The following IMMP2L variants were observed in gnomAD, a reference collection of about 807,000 sequenced individuals.
The protein encoded by IMMP2L is inner mitochondrial membrane peptidase subunit 2.
In IMMP2L, 18 loss-of-function variants were observed where a neutral mutation model predicts 19.3. The observed-to-expected ratio is 0.93, with a 90% confidence interval of 0.64 to 1.38. The LOEUF is 1.38. Among genes scored for constraint, IMMP2L ranks in the 40% most tolerant of loss-of-function variants. The pLI, the probability that IMMP2L is intolerant of heterozygous loss-of-function variation, is 0.00. For synonymous variants in IMMP2L, 76 were observed against 73.0 expected (o/e 1.04, Z -0.21); for missense variants, 233 against 218.2 (o/e 1.07, Z -0.43).
chr7:111,312,813 G>T (rs1325537147), intron 3 of IMMP2L, among the ~76,000 whole-genome samples: 1 of 152,028 alleles, frequency 6.6e-6, no homozygotes. Context: ...TCTCATCTTT[G>T]AAATTCTGTC....
At chr7:110,724,088 A>G (rs1795742605) in intron 5 of IMMP2L, 1 of 152,106 alleles carries the variant, frequency 6.6e-6, no homozygotes, top group Admixed American at 6.6e-5. Flanking sequence ...CTTACCAACA[A>G]CCTCTCAAAA....
chr7:111,146,756 C>T (rs528220511), intron 3 of IMMP2L, among the ~76,000 whole-genome samples: 1 of 152,064 alleles, frequency 6.6e-6, no homozygotes, highest in Non-Finnish European at 1.5e-5. Flanking sequence ...AAGAAAGAAA[C>T]GTTTTGAAAA....
intron 3 of IMMP2L, among the ~76,000 whole-genome samples, chr7:111,166,967 T>C (rs1174624500): frequency 1.3e-5 from 2 of 151,948 alleles, no homozygotes; most frequent in Non-Finnish European, 2.9e-5. Context: ...CTTTTCCAAG[T>C]AGGATGAAAT....
At chr7:111,415,085 A>C (rs557724578) in intron 3 of IMMP2L, among the ~76,000 whole-genome samples, 1 of 152,008 alleles carries the variant, frequency 6.6e-6, no homozygotes, top group East Asian at 1.9e-4. Context: ...TGATTCTGGG[A>C]GTCCTTAAAA....
chr7:111,423,068 C>A (rs1835736384), intron 3 of IMMP2L, among the ~76,000 whole-genome samples: 1 of 151,724 alleles, frequency 6.6e-6, no homozygotes, highest in East Asian at 1.9e-4. Context: ...GGGATGAAGC[C>A]CACTTGATCA....
chr7:111,379,069 T>C (rs988026146), intron 3 of IMMP2L, among the ~76,000 whole-genome samples: 1 of 151,702 alleles, frequency 6.6e-6, no homozygotes, highest in East Asian at 1.9e-4. Context: ...TGAAACACAT[T>C]TACTGAAAGG....
At chr7:110,931,670 C>T (rs1815501864) in intron 4 of IMMP2L, among the ~76,000 whole-genome samples, 2 of 152,130 alleles carry the variant, frequency 1.3e-5, no homozygotes, top group African/African-American at 4.8e-5. Context: ...ACACTGGTGC[C>T]AATGATCACT....
At chr7:111,222,415 C>G (rs1201093236) in intron 3 of IMMP2L, among the ~76,000 whole-genome samples, 1 of 151,630 alleles carries the variant, frequency 6.6e-6, no homozygotes, top group African/African-American at 2.4e-5. Flanking sequence ...ATTTTCAAGA[C>G]TTATGACAAA....
intron 3 of IMMP2L, among the ~76,000 whole-genome samples, chr7:110,980,894 A>C (rs1585571222): frequency 6.6e-6 from 1 of 152,234 alleles, no homozygotes; most frequent in East Asian, 1.9e-4. Flanking sequence ...TGATGAAAAT[A>C]ATCCAAAATG....
Position 110,727,867 on chromosome 7 carries a change from T to C in IMMP2L, c.409-64146A>G, listed in dbSNP as rs1173302523. On this transcript the variant is annotated intron_variant, in intron 5 of 5. Coordinates refer to ENST00000405709, the MANE Select transcript of IMMP2L (RefSeq NM_032549.4). The surrounding 1 kb of genome is among the most constrained non-coding windows in gnomAD (Gnocchi z 4.3). ...TTTAAACAGATATGAGGTAAATTTT[T>C]ACAAATAATTACATCTAACAAGTTG... Among the ~76,000 whole-genome samples, 3 of 152,190 alleles carry C rather than the reference T, an allele frequency of 2.0e-5. No individual in the cohort carries two copies. The highest frequency in any genetic ancestry group is 1.3e-4 in the Admixed American group (2 of 15,274).
At chr7:111,496,542 A>T (rs1391689889) in intron 2 of IMMP2L, among the ~76,000 whole-genome samples, 3 of 152,172 alleles carry the variant, frequency 2.0e-5, no homozygotes, top group Non-Finnish European at 4.4e-5. Context: ...CCATGCAATT[A>T]GTTGAGGGCT....
At chr7:110,886,297 G>GA (rs533804332) in intron 5 of IMMP2L, among the ~76,000 whole-genome samples, 20 of 149,356 alleles carry the variant, frequency 1.3e-4, no homozygotes, top group South Asian at 2.1e-4. Context: ...TCCCGTGGGA[G>GA]AAAAAAAAAA....
rs932813607 is a variant in IMMP2L, at chr7:111,532,244, T to C, written c.-2-10795A>G. The stretch of plus-strand genomic sequence containing the variant: ...CAAGCTTTGCTGTTCCTTATCTACT[T>C]TGCTACCTCACATTTTTTCCTACTA... On this transcript the variant is annotated intron_variant, in intron 1 of 5. Transcript: ENST00000405709. Among the ~76,000 whole-genome samples, 5 of 152,166 alleles carry C rather than the reference T, an allele frequency of 3.3e-5. No homozygotes were observed. In the East Asian group the frequency reaches 5.8e-4, roughly 18 times the overall value.
At chr7:111,080,425 T>C (rs983295135) in intron 3 of IMMP2L, among the ~76,000 whole-genome samples, 1 of 151,726 alleles carries the variant, frequency 6.6e-6, no homozygotes, top group African/African-American at 2.4e-5. Flanking sequence ...TATACTTATA[T>C]ACACATGTAT....
intron 3 of IMMP2L, among the ~76,000 whole-genome samples, chr7:111,301,762 CA>C (rs1822262369): frequency 6.6e-6 from 1 of 151,724 alleles, no homozygotes; most frequent in African/African-American, 2.4e-5. Flanking sequence ...TTAAGTTGGC[CA>C]CATCTGTGTA....
rs56248524 is a variant in IMMP2L at position 110,768,308 on chromosome 7, G to GA, written c.409-104588dup. 5.2e-3 allele frequency among the ~76,000 whole-genome samples: 625 copies of GA among 120,866 alleles called. 3 individuals carry two copies. Among genetic ancestry groups the GA allele is most frequent in the South Asian group, 0.013 (46 of 3,408 alleles). The allele number at this position is 120,866 out of a possible 152,430, so 79.3% of individuals were successfully genotyped here. Reference sequence around the variant, plus strand: ...TTGAGGAAGGGAAAAGAAAAGAAAGGAAAAAAAAAAAAAAAAAGAATGACC... The same window carrying GA: ...TTGAGGAAGGGAAAAGAAAAGAAAGGAAAAAAAAAAAAAAAAAAGAATGACC... On this transcript the variant is annotated intron_variant, in intron 5 of 5. Coordinates refer to ENST00000405709, the MANE Select transcript of IMMP2L (RefSeq NM_032549.4).
chr7:111,308,359 C>T (rs1386965351), intron 3 of IMMP2L, among the ~76,000 whole-genome samples: 3 of 151,672 alleles, frequency 2.0e-5, no homozygotes, highest in African/African-American at 7.3e-5. Context: ...GAAAAGGAAA[C>T]TTTGGGTCTT....
chr7:110,689,315 T>C (rs763482050), intron 5 of IMMP2L, among the ~76,000 whole-genome samples: 2 of 152,198 alleles, frequency 1.3e-5, no homozygotes, highest in Non-Finnish European at 2.9e-5. Flanking sequence ...AGCAAAGAGA[T>C]GATTAGAGTA....
Position 110,669,073 on chromosome 7 carries a change from G to A in IMMP2L, c.409-5352C>T, listed in dbSNP as rs1282713312. On this transcript the variant is annotated intron_variant, in intron 5 of 5. Coordinates refer to ENST00000405709, the MANE Select transcript of IMMP2L (RefSeq NM_032549.4). ...TGTGCGTGTGTGTGTGTGTGTGTGT[G>A]TGTGTGTGTGTGTGTGTATATGTAT... 8.3e-4 allele frequency among the ~76,000 whole-genome samples: 86 copies of A among 104,044 alleles called. No homozygotes were observed. In the South Asian group the frequency reaches 8.6e-3, roughly 10 times the overall value. 68.3% of individuals were successfully genotyped at this position (104,044 alleles called of 152,430 possible). A position where few individuals can be genotyped will look rare whatever the true frequency, so the allele number is the denominator to read the frequency against.
Sources: gnomAD v4.1 joint callset for allele counts (sites outside exome capture counted in the v4.1 genomes callset) on GRCh38, gnomAD v4.1.1 for gene constraint, Gnocchi (gnomAD v3.1) non-coding constraint, MANE v1.5 for transcripts, NCBI Gene and HGNC (gene_info 2026-07-23, HGNC 2026-07-21) for gene names.